Variants in RSU1 observed in about 807,000 individuals in gnomAD.
RSU1 encodes the protein Ras suppressor protein 1, also known as rsu-1.
RSU1 carries 26 observed loss-of-function variants against 31.1 expected under a neutral mutation model. The ratio of observed to expected loss-of-function variants is 0.84; its 90% confidence interval spans 0.61 to 1.16. RSU1 has a LOEUF of 1.16. Ranked by LOEUF, RSU1 falls within the 50% of genes most tolerant of loss-of-function variation. The probability of loss-of-function intolerance (pLI) is 0.00; values close to 1 mark genes in which losing one functional copy is unlikely to be tolerated. For synonymous variants in RSU1, 164 were observed against 136.3 expected (o/e 1.20, Z -1.41); for missense variants, 320 against 339.1 (o/e 0.94, Z 0.44).
At chr10:16,812,821 C>A (rs905808649) in intron 2 of RSU1, among the ~76,000 whole-genome samples, 14 of 152,110 alleles carry the variant, frequency 9.2e-5, no homozygotes, top group Admixed American at 1.3e-4. Context: ...CCTCCGGCTA[C>A]AGCTGGGATT....
rs116205375 is a variant in RSU1 at position 16,800,142 on chromosome 10, C to G, written c.109+16831G>C. Among the ~76,000 whole-genome samples, 1,504 of 152,204 alleles carry G rather than the reference C, an allele frequency of 9.9e-3. 36 individuals carry two copies. The highest frequency in any genetic ancestry group is 0.035 in the African/African-American group (1,445 of 41,520). On this transcript the variant is annotated intron_variant, in intron 2 of 8. Coordinates refer to ENST00000345264, the MANE Select transcript of RSU1 (RefSeq NM_012425.4). ...AAAATGTGAGAACTCGCACTAAAAG[C>G]CTATTTACCTCAGTTCCTTTTACCC... is the stretch of plus-strand genomic sequence containing the variant.
At chr10:16,691,364 C>T (rs914650513) in intron 8 of RSU1, among the ~76,000 whole-genome samples, 4 of 143,068 alleles carry the variant, frequency 2.8e-5, no homozygotes, top group African/African-American at 5.3e-5. Flanking sequence ...AACACAATAG[C>T]GGCATTTTTG....
intron 2 of RSU1, among the ~76,000 whole-genome samples, chr10:16,783,648 C>G (rs1837705950): frequency 6.9e-6 from 1 of 144,244 alleles, no homozygotes; most frequent in African/African-American, 2.8e-5. Context: ...GCCACCGAGT[C>G]CGGCCGCATG....
At chr10:16,649,763 C>G (rs757915183) in intron 8 of RSU1, among the ~76,000 whole-genome samples, 1 of 152,098 alleles carries the variant, frequency 6.6e-6, no homozygotes, top group Admixed American at 6.6e-5. Flanking sequence ...CCAAATTTTA[C>G]CAGAAATGAC....
At chr10:16,712,512 G>A (rs1836042075) in intron 7 of RSU1, among the ~76,000 whole-genome samples, 2 of 151,816 alleles carry the variant, frequency 1.3e-5, no homozygotes, top group African/African-American at 4.8e-5. Flanking sequence ...TTTCTTTGTG[G>A]TTACCATGGG....
chr10:16,636,950 G>T (rs1048778039), intron 8 of RSU1, among the ~76,000 whole-genome samples: 1 of 152,138 alleles, frequency 6.6e-6, no homozygotes, highest in African/African-American at 2.4e-5. Flanking sequence ...ACTGCATGAG[G>T]ACAGGGATTC....
In RSU1 at chr10:16,772,665, G is replaced by GA. The variant is rs202124195; in HGVS notation, c.161-8156dup. 6.3e-5 allele frequency among the ~76,000 whole-genome samples: 7 copies of GA among 111,654 alleles called. No individual in the cohort carries two copies. The East Asian group carries it at 1.0e-3, about 17-fold the overall frequency. 73.2% of individuals were successfully genotyped at this position (111,654 alleles called of 152,430 possible). ...TGAAAAAAAAAAAAAAAAAAAACAAGAAAAAAAAACTTCAATCCATCAATG... is the reference window on the plus strand; with the variant it reads ...TGAAAAAAAAAAAAAAAAAAAACAAGAAAAAAAAAACTTCAATCCATCAATG... On this transcript the variant is annotated intron_variant, in intron 3 of 8. Coordinates refer to ENST00000345264, the MANE Select transcript of RSU1 (RefSeq NM_012425.4).
At position 16,734,353 on chromosome 10, in the gene RSU1, C is replaced by T. The variant is rs144194876; in HGVS notation, c.598+18186G>A. ...ATGAATCCTGTGCTCACACACTCTT[C>T]TTCATCTGCATGTGATTCAGGGGGA... On this transcript the variant is annotated intron_variant, in intron 7 of 8. Coordinates refer to ENST00000345264, the MANE Select transcript of RSU1 (RefSeq NM_012425.4). Among the ~76,000 whole-genome samples, 458 of 152,366 alleles carry T rather than the reference C, an allele frequency of 3.0e-3. 6 individuals carry two copies. Among genetic ancestry groups the T allele is most frequent in the Non-Finnish European group, 4.9e-4 (33 of 68,036 alleles).
At chr10:16,742,692 T>C (rs1322596612) in intron 7 of RSU1, among the ~76,000 whole-genome samples, 1 of 152,080 alleles carries the variant, frequency 6.6e-6, no homozygotes, top group Non-Finnish European at 1.5e-5. Context: ...TCCTATTAAA[T>C]CAAAGGAAGT....
At chr10:16,645,930 ACATATGTGTATATATATGTG>A (rs1834545238) in intron 8 of RSU1, among the ~76,000 whole-genome samples, 1 of 12,992 alleles carries the variant, frequency 7.7e-5, no homozygotes, top group Non-Finnish European at 1.8e-4. Context: ...GTGTATATAC[ACATATGTGTATATATATGTG>A]TATATACATA....
intron 8 of RSU1, among the ~76,000 whole-genome samples, chr10:16,597,199 G>A (rs1031610823): frequency 3.3e-5 from 5 of 152,206 alleles, no homozygotes; most frequent in Admixed American, 6.5e-5. Context: ...TGTTGAATGC[G>A]GGAAGGGCTG....
chr10:16,684,653 A>C (rs956580051), intron 8 of RSU1, among the ~76,000 whole-genome samples: 1 of 152,136 alleles, frequency 6.6e-6, no homozygotes, highest in Non-Finnish European at 1.5e-5. Flanking sequence ...TCCTGCTGAC[A>C]CCTTGATCTG....
chr10:16,663,701 A>G (rs1280138996), intron 8 of RSU1, among the ~76,000 whole-genome samples: 2 of 152,142 alleles, frequency 1.3e-5, no homozygotes, highest in Non-Finnish European at 2.9e-5. Flanking sequence ...TTCACATGTG[A>G]TCACCAAAAT....
chr10:16,674,971 T>G (rs187480961), intron 8 of RSU1, among the ~76,000 whole-genome samples: 3 of 152,070 alleles, frequency 2.0e-5, no homozygotes, highest in Non-Finnish European at 2.9e-5. Flanking sequence ...AGGCGGAGGT[T>G]GCAGTGAGCC....
intron 2 of RSU1, among the ~76,000 whole-genome samples, chr10:16,813,928 A>G (rs1383690091): frequency 6.6e-6 from 1 of 152,224 alleles, no homozygotes; most frequent in African/African-American, 2.4e-5. Flanking sequence ...CTCTCCCAGG[A>G]AGAAAGACGG....
intron 7 of RSU1, among the ~76,000 whole-genome samples, chr10:16,736,257 C>A (rs945046842): frequency 2.0e-5 from 3 of 152,134 alleles, no homozygotes; most frequent in African/African-American, 7.2e-5. Context: ...CAGGGAAAGA[C>A]CAACTACAAG....
chr10:16,688,369 G>A lies in RSU1; in HGVS notation c.731+6654C>T, dbSNP rs1835476904. ...GGCCTGTAATCCCAGCACTTTGGGA[G>A]GCCGAGGCGGACGGGTCACGAGGTC... On this transcript the variant is annotated intron_variant, in intron 8 of 8. Transcript: ENST00000345264. Among the ~76,000 whole-genome samples the A allele has an allele frequency of 2.6e-5, 4 of 152,296 alleles. No homozygotes were observed. In the South Asian group the frequency reaches 8.3e-4, roughly 32 times the overall value.
At chr10:16,766,464 C>T (rs1450673365) in intron 3 of RSU1, among the ~76,000 whole-genome samples, 2 of 152,164 alleles carry the variant, frequency 1.3e-5, no homozygotes, top group African/African-American at 4.8e-5. Context: ...ACCTGTAACC[C>T]AGCACTTTAG....
intron 7 of RSU1, among the ~76,000 whole-genome samples, chr10:16,744,909 C>A (rs1836819753): frequency 6.6e-6 from 1 of 152,144 alleles, no homozygotes; most frequent in African/African-American, 2.4e-5. Flanking sequence ...TCTCTTCTGA[C>A]CCTTCCTATG....
Sources: gnomAD v4.1 joint callset for allele counts (sites outside exome capture counted in the v4.1 genomes callset) on GRCh38, gnomAD v4.1.1 for gene constraint, MANE v1.5 for transcripts, NCBI Gene and HGNC (gene_info 2026-07-23, HGNC 2026-07-21) for gene names.